The following CAMK2D variants were observed in gnomAD, a reference collection of about 807,000 sequenced individuals.
CAMK2D encodes the protein calcium/calmodulin-dependent protein kinase type II subunit delta.
Under a neutral mutation model 84.0 loss-of-function variants are expected in CAMK2D, and 37 were observed. That is an observed-to-expected ratio of 0.44 (90% confidence interval 0.34 to 0.58). CAMK2D has a LOEUF of 0.58. CAMK2D is among the 20% of genes least tolerant of loss of function. The pLI is 0.02. For synonymous variants in CAMK2D, 202 were observed against 212.5 expected, an observed-to-expected ratio of 0.95 and a Z score of 0.43; for missense variants, 448 against 652.5, an observed-to-expected ratio of 0.69 and a Z score of 3.41.
At chr4:113,746,909 C>A (rs1233870654) in intron 2 of CAMK2D, among the ~76,000 whole-genome samples, 2 of 145,884 alleles carry the variant, frequency 1.4e-5, no homozygotes, top group African/African-American at 2.6e-5. Context: ...TTTTTGAAGT[C>A]AATAGGCTTT....
At chr4:113,752,086 A>T (rs1028786285) in intron 2 of CAMK2D, among the ~76,000 whole-genome samples, 5 of 152,040 alleles carry the variant, frequency 3.3e-5, no homozygotes, top group South Asian at 2.1e-4. Context: ...CTCCTAAAAA[A>T]GTTAGGGATG....
intron 3 of CAMK2D, among the ~76,000 whole-genome samples, chr4:113,630,193 C>T (rs1336578197): frequency 6.6e-6 from 1 of 152,140 alleles, no homozygotes; most frequent in Non-Finnish European, 1.5e-5. Flanking sequence ...GCATGGAGGA[C>T]AAAGCATAAA....
At chr4:113,565,892 T>A (rs2098721496) in intron 4 of CAMK2D, among the ~76,000 whole-genome samples, 1 of 152,136 alleles carries the variant, frequency 6.6e-6, no homozygotes, top group African/African-American at 2.4e-5. Context: ...AAAAAATTAG[T>A]AGAGGCTATT....
chr4:113,725,255 A>T (rs1464869912), intron 2 of CAMK2D, among the ~76,000 whole-genome samples: 1 of 152,062 alleles, frequency 6.6e-6, no homozygotes, highest in African/African-American at 2.4e-5. Context: ...CAATTAAGCT[A>T]AAAAAGATGA....
chr4:113,747,021 A>G (rs1184035580), intron 2 of CAMK2D, among the ~76,000 whole-genome samples: 3 of 149,906 alleles, frequency 2.0e-5, no homozygotes, highest in African/African-American at 7.3e-5. Flanking sequence ...GATCCTTTTT[A>G]CCCCCTTTAA....
chr4:113,744,453 T>G (rs1187963005), intron 2 of CAMK2D, among the ~76,000 whole-genome samples: 3 of 152,130 alleles, frequency 2.0e-5, no homozygotes, highest in Non-Finnish European at 2.9e-5. Context: ...CCCTCAGAAT[T>G]CAAATCACTG....
chr4:113,611,133 A>T (rs899195711), intron 3 of CAMK2D, among the ~76,000 whole-genome samples: 1 of 152,048 alleles, frequency 6.6e-6, no homozygotes, highest in African/African-American at 2.4e-5. Context: ...CCATCACTTT[A>T]ATGGTGTGAA....
chr4:113,601,935 G>C (rs187322695), intron 4 of CAMK2D, among the ~76,000 whole-genome samples: 1 of 152,010 alleles, frequency 6.6e-6, no homozygotes, highest in Admixed American at 6.6e-5. Context: ...GGGCTTAAGC[G>C]ATCTCCTGTC....
chr4:113,723,312 C>T (rs968850883), intron 2 of CAMK2D, among the ~76,000 whole-genome samples: 7 of 151,672 alleles, frequency 4.6e-5, no homozygotes, highest in African/African-American at 1.7e-4. Context: ...ACAACCTCCA[C>T]CTCCCAGTTT....
At chr4:113,523,853 TG>T (rs2098394570) in intron 8 of CAMK2D, among the ~76,000 whole-genome samples, 1 of 151,960 alleles carries the variant, frequency 6.6e-6, no homozygotes, top group African/African-American at 2.4e-5. Context: ...TTTTTTTTGT[TG>T]TTTTTTTGTT....
chr4:113,759,658 C>T (rs575756158), intron 1 of CAMK2D, among the ~76,000 whole-genome samples: 1 of 152,222 alleles, frequency 6.6e-6, no homozygotes, highest in Admixed American at 6.5e-5. Flanking sequence ...CAATTATGAC[C>T]GCTCTTGTTT....
intron 13 of CAMK2D, among the ~76,000 whole-genome samples, chr4:113,506,930 C>CAGAT (rs1275246145): frequency 6.6e-6 from 1 of 151,544 alleles, no homozygotes; most frequent in African/African-American, 2.4e-5. Flanking sequence ...CATTCACACA[C>CAGAT]AGATACACAG....
chr4:113,612,636 AAG>A (rs1440217433), intron 3 of CAMK2D, among the ~76,000 whole-genome samples: 5 of 152,246 alleles, frequency 3.3e-5, no homozygotes, highest in Admixed American at 6.5e-5. Context: ...AATTTTAAAA[AAG>A]AGAATGAGAA....
chr4:113,745,953 G>A (rs879340333), intron 2 of CAMK2D, among the ~76,000 whole-genome samples: 2 of 152,152 alleles, frequency 1.3e-5, no homozygotes, highest in African/African-American at 2.4e-5. Flanking sequence ...ACAGCACTGG[G>A]CACAGGAGTC....
chr4:113,705,127 C>T (rs1287607085), intron 2 of CAMK2D, among the ~76,000 whole-genome samples: 1 of 148,816 alleles, frequency 6.7e-6, no homozygotes, highest in East Asian at 2.0e-4. Flanking sequence ...ACCATCCTGG[C>T]TAACATGGTG....
intron 3 of CAMK2D, among the ~76,000 whole-genome samples, chr4:113,636,148 C>T (rs934348638): frequency 7.2e-5 from 11 of 152,162 alleles, no homozygotes; most frequent in African/African-American, 2.4e-4. Flanking sequence ...CCCATCACAA[C>T]ATTCTACCTC....
At chr4:113,493,656 G>C (rs1399209660) in intron 16 of CAMK2D, among the ~76,000 whole-genome samples, 18 of 151,684 alleles carry the variant, frequency 1.2e-4, no homozygotes, top group Non-Finnish European at 2.4e-4. Context: ...TCTTTGTGGT[G>C]TTCTCTGTAT....
At chr4:113,475,113 T>C (rs181094020) in intron 16 of CAMK2D, among the ~76,000 whole-genome samples, 1 of 152,358 alleles carries the variant, frequency 6.6e-6, no homozygotes, top group East Asian at 1.9e-4. Context: ...TTAGCTTCTT[T>C]TCAATAACTG....
intron 17 of CAMK2D, among the ~76,000 whole-genome samples, chr4:113,463,397 A>G (rs988459994): frequency 6.6e-6 from 1 of 152,086 alleles, no homozygotes; most frequent in Non-Finnish European, 1.5e-5. Flanking sequence ...ATTTTTTGAG[A>G]AAGAGTTTCA....
Sources: allele counts gnomAD v4.1 joint callset (sites outside exome capture counted in the v4.1 genomes callset), GRCh38; gene constraint gnomAD v4.1.1; transcripts MANE v1.5; gene names NCBI Gene and HGNC (gene_info 2026-07-23, HGNC 2026-07-21).